TSGA10: variants seen among roughly 807,000 people sequenced by gnomAD.
The protein encoded by TSGA10 is testis-specific gene 10 protein.
Under a neutral mutation model 96.6 loss-of-function variants are expected in TSGA10, and 43 were observed. The ratio of observed to expected loss-of-function variants is 0.44; its 90% CI spans 0.35 to 0.57. TSGA10 has a LOEUF of 0.57. Among genes scored for constraint, TSGA10 ranks in the 20% least tolerant of loss-of-function variants. The pLI, the probability that TSGA10 is intolerant of heterozygous loss-of-function variation, is 0.01. For synonymous variants in TSGA10, 229 were observed against 269.9 expected (o/e 0.85, Z 1.48); for missense variants, 703 against 834.4 (o/e 0.84, Z 1.94).
At chr2:99,107,765 C>T (rs1412360103) in intron 7 of TSGA10, among the ~76,000 whole-genome samples, 4 of 152,066 alleles carry the variant, frequency 2.6e-5, no homozygotes, top group African/African-American at 4.8e-5. Context: ...CTGCTTTCAC[C>T]CTACAACAAT....
intron 7 of TSGA10, 145 bp from the exon 8 acceptor site, chr2:99,105,842 C>T (rs2091287361): frequency 2.0e-6 from 1 of 490,086 alleles, no homozygotes; most frequent in Middle Eastern, 5.5e-4. Flanking sequence ...TTAAAATAAG[C>T]TTATACAAAT....
intron 20 of TSGA10, among the ~76,000 whole-genome samples, chr2:99,004,067 G>T (rs1027159644): frequency 6.6e-6 from 1 of 151,946 alleles, no homozygotes; most frequent in African/African-American, 2.4e-5. Flanking sequence ...TAATAAAGAA[G>T]AAAAGAGAGA....
chr2:99,109,446 C>G lies in TSGA10; in HGVS notation c.-7G>C, dbSNP rs1208472224. On this transcript the variant is annotated 5_prime_UTR_variant, in exon 6 of 21. Transcript: ENST00000393483. ...TAGACCTACTTCGCATCATCTTTCT[C>G]AAATGTTGAGCTTCACTCTTATAGT... 1 of 1,613,826 alleles carries G rather than the reference C, an allele frequency of 6.2e-7. No homozygotes were observed. Among genetic ancestry groups the G allele is most frequent in the South Asian group, 1.1e-5 (1 of 91,056 alleles).
intron 4 of TSGA10, among the ~76,000 whole-genome samples, chr2:99,111,743 G>A (rs758876179): frequency 2.6e-5 from 4 of 152,038 alleles, no homozygotes; most frequent in Non-Finnish European, 4.4e-5. Context: ...ATAGAGTTTG[G>A]ATAACCTTAT....
chr2:99,102,366 G>C (rs894633512), intron 10 of TSGA10: 1 of 1,613,172 alleles, frequency 6.2e-7, no homozygotes, highest in African/African-American at 1.3e-5. Context: ...TGTCCCATCA[G>C]TTGAGCAGTT....
intron 10 of TSGA10, among the ~76,000 whole-genome samples, chr2:99,093,963 G>T (rs2104708265): frequency 6.6e-6 from 1 of 152,188 alleles, no homozygotes; most frequent in East Asian, 1.9e-4. Context: ...TAAGCAAAAA[G>T]AACAAACCTG....
chr2:99,063,323 T>C (rs1452372974), intron 16 of TSGA10, among the ~76,000 whole-genome samples: 2 of 152,164 alleles, frequency 1.3e-5, no homozygotes, highest in African/African-American at 2.4e-5. Context: ...TTGTATAGGA[T>C]TTCTTAAAGA....
intron 10 of TSGA10, among the ~76,000 whole-genome samples, chr2:99,085,656 G>GA (rs1383732685): frequency 2.0e-5 from 2 of 99,678 alleles, no homozygotes; most frequent in African/African-American, 8.4e-5. Flanking sequence ...GGAGGTTCTA[G>GA]AAAAATTTAA....
In TSGA10 at chr2:99,150,460, G is replaced by T. The variant is rs185674967; in HGVS notation, c.-621+4233C>A. ...AGGGAAATTCCTGCTGCATTCACTT[G>T]TTACTTTTTTTTTTTTTTTCAGTAA... On this transcript the variant is annotated intron_variant, in intron 1 of 20. Transcript: ENST00000393483. The T allele has an allele frequency of 5.4e-4, 675 of 1,256,152 alleles. 4 individuals are homozygous for T. In the African/African-American group the frequency reaches 9.5e-3, roughly 18 times the overall value. The allele number at this position is 1,256,152 out of a possible 1,614,324, so 77.8% of individuals were successfully genotyped here.
At chr2:99,111,366 T>C (rs895790862) in intron 4 of TSGA10, among the ~76,000 whole-genome samples, 12 of 152,194 alleles carry the variant, frequency 7.9e-5, no homozygotes, top group Admixed American at 6.5e-4. Context: ...ACAGTGAACA[T>C]ACCCAGTCTT....
At chr2:99,090,361 T>G (rs975469941) in intron 10 of TSGA10, among the ~76,000 whole-genome samples, 1 of 152,132 alleles carries the variant, frequency 6.6e-6, no homozygotes, top group African/African-American at 2.4e-5. Context: ...CAAAGTTCTT[T>G]AACACCCTCA....
At chr2:99,002,556 G>A (rs1231721870) in intron 20 of TSGA10, among the ~76,000 whole-genome samples, 1 of 152,158 alleles carries the variant, frequency 6.6e-6, no homozygotes, top group Non-Finnish European at 1.5e-5. Flanking sequence ...GACCATCGAG[G>A]CTAAGAAGAA....
chr2:99,139,312 A>G (rs951052599), intron 1 of TSGA10, among the ~76,000 whole-genome samples: 1 of 152,166 alleles, frequency 6.6e-6, no homozygotes, highest in African/African-American at 2.4e-5. Context: ...TGTCTGGTTG[A>G]ATTTTAATTT....
At chr2:99,083,648 A>G (rs1377213670) in intron 10 of TSGA10, among the ~76,000 whole-genome samples, 2 of 152,314 alleles carry the variant, frequency 1.3e-5, no homozygotes, top group Middle Eastern at 3.4e-3. Context: ...GCAATATTAA[A>G]AAGTAGCAAA....
chr2:99,071,887 T>C lies in TSGA10; in HGVS notation c.939-13A>G, dbSNP rs772693106. 7 of 1,603,330 alleles carry C rather than the reference T, an allele frequency of 4.4e-6. No homozygotes were observed. The East Asian group carries it at 1.3e-4, about 31-fold the overall frequency. ...CTCAGTACACTGTCTATTCCACAAA[T>C]CAAAGAGTACATAAGAAGAGACATT... On this transcript the variant is annotated splice_polypyrimidine_tract_variant and intron_variant, in intron 13 of 20. Coordinates refer to ENST00000393483, the MANE Select transcript of TSGA10 (RefSeq NM_025244.4).
chr2:99,088,335 G>T (rs546138369), intron 10 of TSGA10, among the ~76,000 whole-genome samples: 6 of 152,112 alleles, frequency 3.9e-5, no homozygotes, highest in Non-Finnish European at 8.8e-5. Flanking sequence ...ATTAGTTATT[G>T]TTGTTAATCT....
At position 99,117,593 on chromosome 2, in the gene TSGA10, T is replaced by C. The variant is rs2092346606; in HGVS notation, c.-189A>G. On this transcript the variant is annotated 5_prime_UTR_variant, in exon 4 of 21. Coordinates refer to ENST00000393483, the MANE Select transcript of TSGA10 (RefSeq NM_025244.4). ...GGCGGAATCCACCACAAAATTTTTC[T>C]CTTTTTCGAGTTGCTCTGCTAGTTG... The C allele has an allele frequency of 1.0e-6, 1 of 985,768 alleles. No individual in the cohort carries two copies. The highest frequency in any genetic ancestry group is 1.2e-6 in the Non-Finnish European group (1 of 829,950). 61.1% of individuals were successfully genotyped at this position (985,768 alleles called of 1,614,324 possible).
chr2:99,042,506 T>G (rs981555254), intron 16 of TSGA10, among the ~76,000 whole-genome samples: 1 of 152,138 alleles, frequency 6.6e-6, no homozygotes, highest in Non-Finnish European at 1.5e-5. Context: ...CTTTGGCCAC[T>G]GTGTAACATG....
At chr2:99,141,974 G>C (rs924125507) in intron 1 of TSGA10, 1 of 152,438 alleles carries the variant, frequency 6.6e-6, no homozygotes, top group Admixed American at 6.5e-5. Flanking sequence ...GGAGCCTGGG[G>C]ACCACGGCCT....
Sources: allele counts gnomAD v4.1 joint callset (sites outside exome capture counted in the v4.1 genomes callset), GRCh38; gene constraint gnomAD v4.1.1; transcripts MANE v1.5; gene names NCBI Gene and HGNC (gene_info 2026-07-23, HGNC 2026-07-21).